Variants in CADM1 observed in about 807,000 individuals in gnomAD.
CADM1 encodes TSLC-1.
Under a neutral mutation model 53.1 loss-of-function variants are expected in CADM1, and 15 were observed. The observed-to-expected ratio is 0.28, with a 90% CI of 0.19 to 0.44. CADM1 has a LOEUF of 0.44. CADM1 is among the 20% of genes least tolerant of loss of function. The probability of loss-of-function intolerance (pLI) is 1.00; values close to 1 mark genes in which losing one functional copy is unlikely to be tolerated. For synonymous variants in CADM1, 281 were observed against 243.0 expected (o/e 1.16, Z -1.45); for missense variants, 434 against 611.3 (o/e 0.71, Z 3.06).
chr11:115,491,601 C>T (rs1949499192), intron 1 of CADM1, among the ~76,000 whole-genome samples: 1 of 152,020 alleles, frequency 6.6e-6, no homozygotes, highest in African/African-American at 2.4e-5. Flanking sequence ...ATTCCTTCCA[C>T]TATCCAAGTA....
At chr11:115,216,190 T>C (rs767425378) in intron 6 of CADM1, among the ~76,000 whole-genome samples, 1 of 152,056 alleles carries the variant, frequency 6.6e-6, no homozygotes, top group Non-Finnish European at 1.5e-5. Context: ...CTTGAGAAAA[T>C]AAATAAGTAA....
Position 115,368,237 on chromosome 11 carries a change from A to C in CADM1, c.125-127817T>G, listed in dbSNP as rs188847287. 4.5e-3 allele frequency among the ~76,000 whole-genome samples: 678 copies of C among 151,576 alleles called. 3 individuals are homozygous for C. The highest frequency in any genetic ancestry group is 6.7e-3 in the Non-Finnish European group (455 of 67,944). On this transcript the variant is annotated intron_variant, in intron 1 of 11. Coordinates refer to ENST00000331581, the MANE Select transcript of CADM1 (RefSeq NM_001301043.2). Reference sequence around the variant, plus strand: ...CGGTTACCACAAGTACCAATTTGCTAAATAGCAGGACAGTTTGTCATAGAT... The same window carrying C: ...CGGTTACCACAAGTACCAATTTGCTCAATAGCAGGACAGTTTGTCATAGAT...
intron 1 of CADM1, among the ~76,000 whole-genome samples, chr11:115,366,810 C>CA (rs796687258): frequency 3.8e-4 from 57 of 149,286 alleles, no homozygotes; most frequent in South Asian, 1.1e-3. Flanking sequence ...AAGTCAACAC[C>CA]AAAAAAAAAG....
intron 1 of CADM1, among the ~76,000 whole-genome samples, chr11:115,343,270 C>T (rs1425116930): frequency 6.6e-6 from 1 of 152,132 alleles, no homozygotes; most frequent in Non-Finnish European, 1.5e-5. Flanking sequence ...ACTCTCAAGG[C>T]TATGATCTTA....
At chr11:115,237,509 A>T (rs1243729644) in intron 3 of CADM1, among the ~76,000 whole-genome samples, 1 of 152,232 alleles carries the variant, frequency 6.6e-6, no homozygotes, top group Admixed American at 6.5e-5. Context: ...CCATAAATAC[A>T]TATATGTGCA....
intron 10 of CADM1, among the ~76,000 whole-genome samples, chr11:115,181,378 A>G (rs1489844492): frequency 1.3e-5 from 2 of 152,030 alleles, no homozygotes; most frequent in Non-Finnish European, 2.9e-5. Context: ...TTAAACTAGA[A>G]CCTTAGATGT....
intron 1 of CADM1, among the ~76,000 whole-genome samples, chr11:115,288,416 T>C (rs1449545162): frequency 2.6e-5 from 4 of 151,898 alleles, no homozygotes. Flanking sequence ...AAATCAACAA[T>C]CACCTTCGGG....
At chr11:115,307,516 A>AT (rs1275566231) in intron 1 of CADM1, among the ~76,000 whole-genome samples, 150 of 120,462 alleles carry the variant, frequency 1.2e-3, no homozygotes, top group South Asian at 2.8e-3. Flanking sequence ...AGGAAAAAAA[A>AT]AATATATATA....
chr11:115,369,026 T>TAAAAAAAAAAA (rs552309443), intron 1 of CADM1, among the ~76,000 whole-genome samples: 1,113 of 44,684 alleles, frequency 0.025, 122 homozygotes, highest in South Asian at 0.035. Context: ...AAAAAAAATC[T>TAAAAAAAAAAA]AAAAAAAAAA....
chr11:115,285,374 A>AC (rs1943704592), intron 1 of CADM1, among the ~76,000 whole-genome samples: 1 of 152,238 alleles, frequency 6.6e-6, no homozygotes, highest in African/African-American at 2.4e-5. Flanking sequence ...TACTTTAGAT[A>AC]CATTAGTTCA....
intron 1 of CADM1, among the ~76,000 whole-genome samples, chr11:115,244,952 C>A (rs565189291): frequency 1.3e-5 from 2 of 152,334 alleles, no homozygotes; most frequent in African/African-American, 4.8e-5. Context: ...GCCAGCACCA[C>A]AAGCTCTCGC....
intron 1 of CADM1, among the ~76,000 whole-genome samples, chr11:115,333,863 T>C (rs1945194694): frequency 6.6e-6 from 1 of 152,108 alleles, no homozygotes; most frequent in Non-Finnish European, 1.5e-5. Context: ...ACACAACTGT[T>C]AGAAAAGAAC....
chr11:115,280,213 A>G (rs554159042), intron 1 of CADM1, among the ~76,000 whole-genome samples: 3 of 152,334 alleles, frequency 2.0e-5, no homozygotes, highest in Non-Finnish European at 4.4e-5. Flanking sequence ...GGATAGTGGG[A>G]ATAGCTTTAA....
At chr11:115,378,234 A>G (rs1371937048) in intron 1 of CADM1, among the ~76,000 whole-genome samples, 1 of 152,204 alleles carries the variant, frequency 6.6e-6, no homozygotes, top group East Asian at 1.9e-4. Context: ...CAGAAAACTG[A>G]CAGCATCCTC....
intron 1 of CADM1, among the ~76,000 whole-genome samples, chr11:115,277,059 C>T (rs578033098): frequency 1.3e-5 from 2 of 152,202 alleles, no homozygotes; most frequent in Middle Eastern, 3.2e-3. Context: ...TTGTCAGCAA[C>T]GAAACATCTC....
intron 3 of CADM1, among the ~76,000 whole-genome samples, chr11:115,233,988 G>A (rs1193971495): frequency 6.6e-6 from 1 of 152,230 alleles, no homozygotes; most frequent in Non-Finnish European, 1.5e-5. Context: ...CTCCCTCTGT[G>A]GAAACACGGG....
At chr11:115,484,585 T>C (rs1355748817) in intron 1 of CADM1, among the ~76,000 whole-genome samples, 3 of 152,230 alleles carry the variant, frequency 2.0e-5, no homozygotes, top group Non-Finnish European at 4.4e-5. Flanking sequence ...TGGCTCTTTC[T>C]AGTTCCCTAT....
chr11:115,441,776 G>C (rs1424008802), intron 1 of CADM1, among the ~76,000 whole-genome samples: 1 of 151,954 alleles, frequency 6.6e-6, no homozygotes, highest in African/African-American at 2.4e-5. Context: ...GGCAACTCTT[G>C]ACAGCCCTGA....
intron 1 of CADM1, among the ~76,000 whole-genome samples, chr11:115,484,403 C>T (rs933908574): frequency 6.6e-6 from 1 of 152,186 alleles, no homozygotes; most frequent in African/African-American, 2.4e-5. Context: ...TTAAAAGCTG[C>T]ACATGTCCAG....
Sources: gnomAD v4.1 joint callset for allele counts (sites outside exome capture counted in the v4.1 genomes callset) on GRCh38, gnomAD v4.1.1 for gene constraint, MANE v1.5 for transcripts, NCBI Gene and HGNC (gene_info 2026-07-23, HGNC 2026-07-21) for gene names.